Variants in SCN4B observed in about 807,000 individuals in gnomAD.
SCN4B encodes the protein sodium voltage-gated channel beta subunit 4.
SCN4B carries 20 observed loss-of-function variants against 19.6 expected under a neutral mutation model. The ratio of observed to expected loss-of-function variants is 1.02; its 90% CI spans 0.72 to 1.48. The LOEUF is 1.48. SCN4B is among the 40% of genes most tolerant of loss of function. The probability of loss-of-function intolerance (pLI) is 0.00; values close to 1 mark genes in which losing one functional copy is unlikely to be tolerated. For missense variants in SCN4B, 271 were observed against 287.5 expected (o/e 0.94, Z 0.42); for synonymous variants, 127 against 122.8 (o/e 1.03, Z -0.22).
At position 118,141,449 on chromosome 11, in the gene SCN4B, G is replaced by A. The variant is rs656445; in HGVS notation, c.464-113C>T. On this transcript the variant is annotated intron_variant, in intron 3 of 4. Transcript: ENST00000324727. ...TGTAGCCTCCACCCCCTGGCATCCG[G>A]GGCACATCCACTCCCAGACCCCCAG... 451,181 of 1,314,230 alleles carry A rather than the reference G, an allele frequency of 0.34. 78,279 individuals are homozygous for A. Among genetic ancestry groups the A allele is most frequent in the African/African-American group, 0.36 (24,775 of 68,884 alleles). 81.4% of individuals were successfully genotyped at this position (1,314,230 alleles called of 1,614,324 possible). A position where few individuals can be genotyped will look rare whatever the true frequency, so the allele number is the denominator to read the frequency against.
At position 118,135,181 on chromosome 11, in the gene SCN4B, G is replaced by C. The variant is rs140564832; in HGVS notation, c.*1846C>G. On this transcript the variant is annotated 3_prime_UTR_variant, in exon 5 of 5. Coordinates refer to ENST00000324727, the MANE Select transcript of SCN4B (RefSeq NM_174934.4). ...AAAATCTGAGCCCCAGCCCATGACA[G>C]GTTCTGGGTAGAGAAGAATGGGAGG... 4.7e-4 allele frequency: 213 copies of C among 454,106 alleles called. 3 individuals are homozygous for C. The East Asian group carries it at 0.012, about 25-fold the overall frequency. The allele number at this position is 454,106 out of a possible 1,614,324, so 28.1% of individuals were successfully genotyped here.
At chr11:118,137,248 CCAGAGGCCATG>C in intron 4 of SCN4B, 128 bp from the exon 5 acceptor site, 1 of 725,736 alleles carries the variant, frequency 1.4e-6, no homozygotes, top group Non-Finnish European at 2.5e-6. Context: ...GCTAAGGTAG[CCAGAGGCCATG>C]TCACCTAACC....
chr11:118,134,173 C>A lies in SCN4B; in HGVS notation c.*2854G>T. ...AACATCAGGGGTTTATTCGGGCTGC[C>A]TTCTGTTCAATTACGACATGGGGAG... On this transcript the variant is annotated 3_prime_UTR_variant, in exon 5 of 5. Coordinates refer to ENST00000324727, the MANE Select transcript of SCN4B (RefSeq NM_174934.4). 1 of 454,222 alleles carries A rather than the reference C, an allele frequency of 2.2e-6. No homozygotes were observed. The highest frequency in any genetic ancestry group is 1.6e-5 in the South Asian group (1 of 64,478). 28.1% of individuals were successfully genotyped at this position (454,222 alleles called of 1,614,324 possible). A position where few individuals can be genotyped will look rare whatever the true frequency, so the allele number is the denominator to read the frequency against.
rs1219998899 is a variant in SCN4B, at chr11:118,133,513, C to T, written c.*3514G>A. On this transcript the variant is annotated 3_prime_UTR_variant, in exon 5 of 5. Transcript: ENST00000324727. ...TCAGTGCTGGCTGTGTGGGCATCTG[C>T]GCCTCCCAGAGGCACTCGCACACCT... 4.4e-6 allele frequency: 2 copies of T among 454,098 alleles called. No homozygotes were observed. Among genetic ancestry groups the T allele is most frequent in the South Asian group, 1.6e-5 (1 of 64,480 alleles). The allele number at this position is 454,098 out of a possible 1,614,324, so 28.1% of individuals were successfully genotyped here. A position where few individuals can be genotyped will look rare whatever the true frequency, so the allele number is the denominator to read the frequency against.
In SCN4B at chr11:118,136,820, C is replaced by T. The variant is rs1948016241; in HGVS notation, c.*207G>A. 1 of 677,218 alleles carries T rather than the reference C, an allele frequency of 1.5e-6. No individual in the cohort carries two copies. The allele number at this position is 677,218 out of a possible 1,614,324, so 42.0% of individuals were successfully genotyped here. A position where few individuals can be genotyped will look rare whatever the true frequency, so the allele number is the denominator to read the frequency against. On this transcript the variant is annotated 3_prime_UTR_variant, in exon 5 of 5. Transcript: ENST00000324727. The stretch of plus-strand genomic sequence containing the variant: ...CTCCTGAATCTTCCACAGACCCCCT[C>T]CCCTGGCCATCCCTTGTCCCTGGGG...
At chr11:118,140,200 G>A (rs1302101701) in intron 4 of SCN4B, among the ~76,000 whole-genome samples, 2 of 152,110 alleles carry the variant, frequency 1.3e-5, no homozygotes, top group African/African-American at 2.4e-5. Flanking sequence ...CCCCTCTCAC[G>A]ATCACCAAAA....
chr11:118,145,936 G>A (rs1276288604), intron 1 of SCN4B, among the ~76,000 whole-genome samples: 2 of 152,210 alleles, frequency 1.3e-5, no homozygotes, highest in African/African-American at 2.4e-5. Flanking sequence ...GGGGGAACAC[G>A]GCGGGGGTGG....
At chr11:118,149,564 C>A (rs1487601947) in intron 1 of SCN4B, among the ~76,000 whole-genome samples, 1 of 152,182 alleles carries the variant, frequency 6.6e-6, no homozygotes, top group Non-Finnish European at 1.5e-5. Context: ...TCTCCCTAGG[C>A]AACCTACCTG....
intron 2 of SCN4B, among the ~76,000 whole-genome samples, chr11:118,144,846 A>T (rs1948147921): frequency 6.6e-6 from 1 of 152,142 alleles, no homozygotes; most frequent in African/African-American, 2.4e-5. Context: ...AAGAATTCCA[A>T]CAGTCCCCGA....
intron 4 of SCN4B, among the ~76,000 whole-genome samples, chr11:118,139,901 CT>C (rs778719637): frequency 3.8e-5 from 4 of 104,588 alleles, no homozygotes; most frequent in Non-Finnish European, 5.7e-5. Flanking sequence ...TTTTTTTTTT[CT>C]TTTTTCTTTT....
In SCN4B at chr11:118,133,992, ATGCACCCACAC is replaced by A. The variant is rs1947955044; in HGVS notation, c.*3024_*3034del. 2.2e-6 allele frequency: 1 copy of A among 454,566 alleles called. No homozygotes were observed. The highest frequency in any genetic ancestry group is 4.4e-6 in the Non-Finnish European group (1 of 226,784). 28.2% of individuals were successfully genotyped at this position (454,566 alleles called of 1,614,324 possible). ...CCATCCACTCCACAGTTACGCTGCC[ATGCACCCACAC>A]TGCCTGCACACGCACACTCCACACA... On this transcript the variant is annotated 3_prime_UTR_variant, in exon 5 of 5. Coordinates refer to ENST00000324727, the MANE Select transcript of SCN4B (RefSeq NM_174934.4).
rs886047730 is a variant in SCN4B at position 118,136,769 on chromosome 11, A to T, written c.*258T>A. The T allele has an allele frequency of 1.8e-5, 11 of 605,796 alleles. No homozygotes were observed. The highest frequency in any genetic ancestry group is 3.4e-5 in the Non-Finnish European group (11 of 324,702). The allele number at this position is 605,796 out of a possible 1,614,324, so 37.5% of individuals were successfully genotyped here. On this transcript the variant is annotated 3_prime_UTR_variant, in exon 5 of 5. Transcript: ENST00000324727. ...CAGGTGTCAGGGGACCAGCCCCTCC[A>T]CACCACCCTAGCCTCTCCTTTCTTT...
At chr11:118,141,662 T>C (rs1206020021) in intron 3 of SCN4B, 5 of 389,420 alleles carry the variant, frequency 1.3e-5, no homozygotes, top group African/African-American at 1.0e-4. Flanking sequence ...GATCCCCAAA[T>C]TGCCAGGCGA....
chr11:118,149,659 A>C (rs1032840529), intron 1 of SCN4B, among the ~76,000 whole-genome samples: 6 of 152,204 alleles, frequency 3.9e-5, no homozygotes, highest in African/African-American at 1.2e-4. Flanking sequence ...CAGCTTTGCA[A>C]ACAAGTCCCA....
At position 118,134,631 on chromosome 11, in the gene SCN4B, A is replaced by G; in HGVS notation, c.*2396T>C. The G allele has an allele frequency of 2.2e-6, 1 of 454,136 alleles. No homozygotes were observed. Among genetic ancestry groups the G allele is most frequent in the Non-Finnish European group, 4.4e-6 (1 of 226,796 alleles). 28.1% of individuals were successfully genotyped at this position (454,136 alleles called of 1,614,324 possible). A position where few individuals can be genotyped will look rare whatever the true frequency, so the allele number is the denominator to read the frequency against. The stretch of plus-strand genomic sequence containing the variant: ...ACAAGAAGCTTTAAGCATCAGAGTC[A>G]AGGTTTCTAATATTGCAAAGACTAA... On this transcript the variant is annotated 3_prime_UTR_variant, in exon 5 of 5. Transcript: ENST00000324727.
chr11:118,140,658 C>G (rs541012780), intron 4 of SCN4B, among the ~76,000 whole-genome samples: 14 of 152,350 alleles, frequency 9.2e-5, no homozygotes, highest in African/African-American at 3.1e-4. Context: ...CCCTCCCCTT[C>G]CCCTTATAGA....
At chr11:118,144,412 A>T (rs1053031416) in intron 2 of SCN4B, among the ~76,000 whole-genome samples, 2 of 152,152 alleles carry the variant, frequency 1.3e-5, no homozygotes, top group African/African-American at 4.8e-5. Context: ...GCCTTTGCTG[A>T]CACCATGTCA....
Position 118,152,610 on chromosome 11 carries a change from T to C in SCN4B, c.61+3A>G. ...AGAAGAGACCAAGCTGGGGCTGCCT[T>C]ACCCAAAAGCCCAGTGCCCAGCCAT... On this transcript the variant is annotated splice_donor_region_variant and intron_variant, in intron 1 of 4. Coordinates refer to ENST00000324727, the MANE Select transcript of SCN4B (RefSeq NM_174934.4). 3.7e-6 allele frequency: 6 copies of C among 1,612,292 alleles called. No individual in the cohort carries two copies. Among genetic ancestry groups the C allele is most frequent in the Non-Finnish European group, 5.1e-6 (6 of 1,178,978 alleles).
chr11:118,138,302 C>T (rs1444428211), intron 4 of SCN4B, among the ~76,000 whole-genome samples: 1 of 152,172 alleles, frequency 6.6e-6, no homozygotes. Flanking sequence ...TCTTGCAATA[C>T]CTAGTTCCTA....
Sources: allele counts gnomAD v4.1 joint callset (sites outside exome capture counted in the v4.1 genomes callset), GRCh38; gene constraint gnomAD v4.1.1; transcripts MANE v1.5; gene names NCBI Gene and HGNC (gene_info 2026-07-23, HGNC 2026-07-21).